The following TIGAR variants were observed in gnomAD, a reference collection of about 807,000 sequenced individuals.
The protein encoded by TIGAR is fructose-2,6-bisphosphatase TIGAR.
Under a neutral mutation model 17.9 loss-of-function variants are expected in TIGAR, and 7 were observed. That is an observed-to-expected ratio of 0.39 (90% CI 0.22 to 0.73). The LOEUF (loss-of-function observed/expected upper bound fraction) is 0.73, where lower values mean the gene tolerates loss of function less well. Among genes scored for constraint, TIGAR ranks in the 30% least tolerant of loss-of-function variants. The pLI is 0.42. For missense variants in TIGAR, 258 were observed against 327.4 expected, an observed-to-expected ratio of 0.79 and a Z score of 1.64; for synonymous variants, 94 against 108.6, an observed-to-expected ratio of 0.87 and a Z score of 0.84.
At chr12:4,350,313 C>T (rs752414235) in intron 4 of TIGAR, among the ~76,000 whole-genome samples, 3 of 152,130 alleles carry the variant, frequency 2.0e-5, no homozygotes, top group South Asian at 4.1e-4. Context: ...AAATGGACAT[C>T]GGCGAGTGTG....
intron 1 of TIGAR, among the ~76,000 whole-genome samples, chr12:4,328,859 G>A (rs1351497078): frequency 6.6e-6 from 1 of 152,192 alleles, no homozygotes; most frequent in African/African-American, 2.4e-5. Context: ...ACAGGCGTGA[G>A]CCACCGTGCC....
At chr12:4,338,141 A>C (rs1246290038) in intron 3 of TIGAR, among the ~76,000 whole-genome samples, 1 of 39,800 alleles carries the variant, frequency 2.5e-5, no homozygotes, top group Non-Finnish European at 5.6e-5. Context: ...ATAAAAAAAA[A>C]GTAAAATTAA....
In TIGAR at chr12:4,324,637, T is replaced by C. The variant is rs539087451; in HGVS notation, c.32+3334T>C. 5.1e-5 allele frequency: 73 copies of C among 1,417,540 alleles called. No individual in the cohort carries two copies. The African/African-American group carries it at 9.5e-4, about 18-fold the overall frequency. 87.8% of individuals were successfully genotyped at this position (1,417,540 alleles called of 1,614,324 possible). The stretch of plus-strand genomic sequence containing the variant: ...CTCCTTCTTGGCCTTGCGCAGGCGC[T>C]TCAGCAGCGAGTTCTGTTTCCGCCG... On this transcript the variant is annotated intron_variant, in intron 1 of 5. Coordinates refer to ENST00000179259, the MANE Select transcript of TIGAR (RefSeq NM_020375.3).
rs528517720 is a variant in TIGAR at position 4,332,135 on chromosome 12, C to T, written c.70+818C>T. ...TTTTCCTAAGACATTGACAATGGAA[C>T]GTCAAGAAAGTTTTTGTGTTCTTTT... On this transcript the variant is annotated intron_variant, in intron 2 of 5. Transcript: ENST00000179259. 2.7e-4 allele frequency among the ~76,000 whole-genome samples: 41 copies of T among 151,690 alleles called. No homozygotes were observed. The South Asian group carries it at 6.7e-3, about 25-fold the overall frequency.
chr12:4,324,645 C>A (rs115257994), intron 1 of TIGAR: 1 of 1,367,994 alleles, frequency 7.3e-7, no homozygotes, highest in Non-Finnish European at 1.0e-6. Context: ...GCTTCAGCAG[C>A]GAGTTCTGTT....
At chr12:4,327,144 C>T (rs1261162452) in intron 1 of TIGAR, among the ~76,000 whole-genome samples, 4 of 152,100 alleles carry the variant, frequency 2.6e-5, no homozygotes, top group Non-Finnish European at 5.9e-5. Flanking sequence ...CGCAGTAGCT[C>T]GCACCTATAA....
In TIGAR at chr12:4,359,107, GTTT is replaced by G. The variant is rs11445611; in HGVS notation, c.*6424_*6426del. ...CCTTTATTGTTTATTTTCTGACTCT[GTTT>G]TTTTTTTCTTTAGCCAACTCACGCC... On this transcript the variant is annotated 3_prime_UTR_variant, in exon 6 of 6. Coordinates refer to ENST00000179259, the MANE Select transcript of TIGAR (RefSeq NM_020375.3). Among the ~76,000 whole-genome samples, 3 of 148,700 alleles carry G rather than the reference GTTT, an allele frequency of 2.0e-5. No individual in the cohort carries two copies. Among genetic ancestry groups the G allele is most frequent in the African/African-American group, 7.4e-5 (3 of 40,546 alleles).
At chr12:4,328,276 C>T (rs1864567801) in intron 1 of TIGAR, among the ~76,000 whole-genome samples, 1 of 152,014 alleles carries the variant, frequency 6.6e-6, no homozygotes, top group African/African-American at 2.4e-5. Context: ...ACTGCAACCT[C>T]CACCTCCTGG....
intron 3 of TIGAR, among the ~76,000 whole-genome samples, chr12:4,338,589 G>A (rs1345921941): frequency 7.2e-5 from 11 of 152,130 alleles, no homozygotes; most frequent in African/African-American, 2.7e-4. Flanking sequence ...TGAAACAAAT[G>A]ATAATGGAAA....
chr12:4,352,021 T>C (rs930186396), intron 5 of TIGAR, among the ~76,000 whole-genome samples: 1 of 152,214 alleles, frequency 6.6e-6, no homozygotes, highest in Non-Finnish European at 1.5e-5. Flanking sequence ...GAATTGGGAA[T>C]TGGATCTTCT....
intron 3 of TIGAR, among the ~76,000 whole-genome samples, chr12:4,347,907 G>C (rs551711523): frequency 2.6e-4 from 40 of 152,256 alleles, no homozygotes; most frequent in African/African-American, 7.0e-4. Context: ...AGGCCGAAGC[G>C]GGAAGATCAC....
At chr12:4,339,140 A>T (rs1864692777) in intron 3 of TIGAR, among the ~76,000 whole-genome samples, 1 of 152,138 alleles carries the variant, frequency 6.6e-6, no homozygotes, top group African/African-American at 2.4e-5. Context: ...TTTTGAAAAG[A>T]TAAAATTGAC....
At chr12:4,348,603 A>G (rs1205430339) in intron 3 of TIGAR, among the ~76,000 whole-genome samples, 1 of 152,228 alleles carries the variant, frequency 6.6e-6, no homozygotes, top group Non-Finnish European at 1.5e-5. Context: ...AAAAATGAAA[A>G]AGAAGGAAAA....
At chr12:4,331,880 C>G (rs1864606961) in intron 2 of TIGAR, among the ~76,000 whole-genome samples, 2 of 152,152 alleles carry the variant, frequency 1.3e-5, no homozygotes, top group Non-Finnish European at 2.9e-5. Context: ...GCTAGACATG[C>G]TATTTCTGTG....
intron 2 of TIGAR, among the ~76,000 whole-genome samples, chr12:4,332,530 C>T (rs1272242608): frequency 3.9e-5 from 6 of 152,240 alleles, no homozygotes; most frequent in East Asian, 1.9e-4. Context: ...AGGCCTGAGC[C>T]GCCGCACGCG....
intron 1 of TIGAR, among the ~76,000 whole-genome samples, chr12:4,326,991 T>G (rs886082525): frequency 6.6e-6 from 1 of 152,176 alleles, no homozygotes; most frequent in Non-Finnish European, 1.5e-5. Flanking sequence ...AGAAAAACTT[T>G]AGACAAATTA....
rs1002635044 is a variant in TIGAR at position 4,357,966 on chromosome 12, T to G, written c.*5275T>G. 6.6e-6 allele frequency among the ~76,000 whole-genome samples: 1 copy of G among 151,902 alleles called. No individual in the cohort carries two copies. The highest frequency in any genetic ancestry group is 2.4e-5 in the African/African-American group (1 of 41,340). On this transcript the variant is annotated 3_prime_UTR_variant, in exon 6 of 6. Transcript: ENST00000179259. ...AAAAATAGAAAAAATTAGCCAGGCC[T>G]GGTGGCCGGCGCCTGTAGTCCCAGC...
rs558738470 is a variant in TIGAR, at chr12:4,358,072, G to C, written c.*5381G>C. On this transcript the variant is annotated 3_prime_UTR_variant, in exon 6 of 6. Transcript: ENST00000179259. Reference sequence around the variant, plus strand: ...TGAGCCAAGGTCGCGCCACTGCACTGCAGCCTGGGTGACAGAGCAAGACTG... The same window carrying C: ...TGAGCCAAGGTCGCGCCACTGCACTCCAGCCTGGGTGACAGAGCAAGACTG... Among the ~76,000 whole-genome samples, 1,391 of 144,106 alleles carry C rather than the reference G, an allele frequency of 9.7e-3. No homozygotes were observed. The highest frequency in any genetic ancestry group is 0.016 in the Non-Finnish European group (1,053 of 66,660). 94.5% of individuals were successfully genotyped at this position (144,106 alleles called of 152,430 possible).
intron 1 of TIGAR, among the ~76,000 whole-genome samples, chr12:4,330,323 T>G (rs1418312486): frequency 6.6e-6 from 1 of 152,220 alleles, no homozygotes; most frequent in Non-Finnish European, 1.5e-5. Context: ...TTGGTACAAA[T>G]TGAAGAAACC....
Sources: allele counts gnomAD v4.1 joint callset (sites outside exome capture counted in the v4.1 genomes callset), GRCh38; gene constraint gnomAD v4.1.1; transcripts MANE v1.5; gene names NCBI Gene and HGNC (gene_info 2026-07-23, HGNC 2026-07-21).